AFAP1: variants seen among roughly 807,000 people sequenced by gnomAD.
The protein encoded by AFAP1 is actin filament associated protein 1.
In AFAP1, 75 loss-of-function variants were observed where a neutral mutation model predicts 93.9. The observed-to-expected ratio is 0.80, with a 90% CI of 0.66 to 0.97. The LOEUF is 0.97. Among genes scored for constraint, AFAP1 ranks in the 50% least tolerant of loss-of-function variants. AFAP1 has a pLI of 0.00. For missense variants in AFAP1, 1,201 were observed against 1,050.8 expected, an observed-to-expected ratio of 1.14 and a Z score of -1.98; for synonymous variants, 517 against 430.7, an observed-to-expected ratio of 1.20 and a Z score of -2.48.
chr4:7,786,128 G>A (rs1020492067), intron 12 of AFAP1, 66 bp downstream of exon 12: 8 of 1,456,282 alleles, frequency 5.5e-6, no homozygotes, highest in Non-Finnish European at 7.7e-6. Context: ...GGGAACTGAA[G>A]CACAGAATTT....
intron 1 of AFAP1, among the ~76,000 whole-genome samples, chr4:7,909,061 T>A (rs1405296048): frequency 6.6e-6 from 1 of 152,180 alleles, no homozygotes; most frequent in African/African-American, 2.4e-5. Flanking sequence ...ACTAAAGTAG[T>A]CTTTGGTTCG....
chr4:7,914,863 T>G (rs1404174703), intron 1 of AFAP1, among the ~76,000 whole-genome samples: 2 of 152,182 alleles, frequency 1.3e-5, no homozygotes, highest in Admixed American at 1.3e-4. Flanking sequence ...TTCTCATACC[T>G]CAGCCTCCCA....
At chr4:7,815,937 G>C (rs945280857) in intron 8 of AFAP1, 81 bp downstream of exon 8, 20 of 1,294,370 alleles carry the variant, frequency 1.5e-5, no homozygotes, top group Admixed American at 1.0e-4. Flanking sequence ...CGTACAATCA[G>C]ACTTTACAAA....
chr4:7,867,373 A>G (rs1716541910), intron 3 of AFAP1, among the ~76,000 whole-genome samples: 1 of 152,140 alleles, frequency 6.6e-6, no homozygotes, highest in African/African-American at 2.4e-5. Context: ...AATCTCCCCA[A>G]ATCATATGAG....
chr4:7,802,801 C>T (rs1434608322), intron 9 of AFAP1, among the ~76,000 whole-genome samples: 1 of 152,074 alleles, frequency 6.6e-6, no homozygotes, highest in Non-Finnish European at 1.5e-5. Flanking sequence ...AGGCGCCCGC[C>T]ACCACACCTG....
chr4:7,796,357 A>C (rs937876877), intron 10 of AFAP1, among the ~76,000 whole-genome samples: 1 of 152,242 alleles, frequency 6.6e-6, no homozygotes, highest in Non-Finnish European at 1.5e-5. Context: ...GACATGGCAA[A>C]GGACAAACAG....
At chr4:7,909,515 G>T (rs534417177) in intron 1 of AFAP1, among the ~76,000 whole-genome samples, 1 of 152,202 alleles carries the variant, frequency 6.6e-6, no homozygotes, top group African/African-American at 2.4e-5. Context: ...TGAAGAAAAG[G>T]TGGAATGGGT....
rs75028996 is a variant in AFAP1 at position 7,906,633 on chromosome 4, G to A, written c.-3+33023C>T. 8.7e-4 allele frequency among the ~76,000 whole-genome samples: 132 copies of A among 152,274 alleles called. No homozygotes were observed. The East Asian group carries it at 0.016, about 18-fold the overall frequency. On this transcript the variant is annotated intron_variant, in intron 1 of 17. Coordinates refer to ENST00000420658, the MANE Select transcript of AFAP1 (RefSeq NM_001134647.2). ...ATAAAATACTACAGCTTTTTCAGAT[G>A]GGCTTGAAGCCCTCCAAACTCACAG... is the stretch of plus-strand genomic sequence containing the variant.
chr4:7,856,470 G>A (rs954880401), intron 3 of AFAP1, among the ~76,000 whole-genome samples: 10 of 152,068 alleles, frequency 6.6e-5, no homozygotes, highest in African/African-American at 2.4e-4. Flanking sequence ...TCGAACTCCT[G>A]ACCTCGTGAT....
intron 6 of AFAP1, among the ~76,000 whole-genome samples, 155 bp downstream of exon 6, chr4:7,838,369 A>G (rs1712563254): frequency 6.6e-6 from 1 of 152,226 alleles, no homozygotes; most frequent in Admixed American, 6.5e-5. Context: ...ATTAACCTCC[A>G]TGTCATCAGA....
In AFAP1 at chr4:7,762,191, C is replaced by G. The variant is rs529768262; in HGVS notation, c.*1574G>C. ...AGCGCCACCACCTTAAACATGAATC[C>G]TAACTGTAAAGTCCCGTGCACCACA... On this transcript the variant is annotated 3_prime_UTR_variant, in exon 18 of 18. Transcript: ENST00000420658. The G allele has an allele frequency of 6.6e-6, 1 of 152,376 alleles. No individual in the cohort carries two copies. Among genetic ancestry groups the G allele is most frequent in the South Asian group, 2.1e-4 (1 of 4,824 alleles). 9.4% of individuals were successfully genotyped at this position (152,376 alleles called of 1,614,324 possible). A position where few individuals can be genotyped will look rare whatever the true frequency, so the allele number is the denominator to read the frequency against.
At chr4:7,816,251 G>T in intron 7 of AFAP1, 152 bp from the exon 8 acceptor site, 1 of 618,194 alleles carries the variant, frequency 1.6e-6, no homozygotes, top group Non-Finnish European at 2.7e-6. Context: ...CTATAACAAA[G>T]ACTGGCTGGT....
At chr4:7,857,445 C>T (rs1042146142) in intron 3 of AFAP1, among the ~76,000 whole-genome samples, 4 of 152,190 alleles carry the variant, frequency 2.6e-5, no homozygotes, top group Admixed American at 6.5e-5. Context: ...ACCTCCCTCC[C>T]GCCCCCCGTC....
intron 1 of AFAP1, among the ~76,000 whole-genome samples, chr4:7,921,349 A>C (rs897586421): frequency 1.3e-5 from 2 of 151,742 alleles, no homozygotes; most frequent in South Asian, 2.1e-4. Flanking sequence ...ACGCCTGGCT[A>C]ATTTTTTTAT....
intron 6 of AFAP1, among the ~76,000 whole-genome samples, chr4:7,823,704 T>C (rs544081897): frequency 2.6e-5 from 4 of 152,286 alleles, no homozygotes; most frequent in African/African-American, 7.2e-5. Flanking sequence ...ATGCTTAGAA[T>C]GGGGAACACA....
At chr4:7,825,784 C>CA (rs2149083613) in intron 6 of AFAP1, among the ~76,000 whole-genome samples, 1 of 151,842 alleles carries the variant, frequency 6.6e-6, no homozygotes, top group East Asian at 1.9e-4. Flanking sequence ...AAAAAATTAA[C>CA]ATAGCCCAGA....
At chr4:7,891,123 C>T (rs959652705) in intron 1 of AFAP1, among the ~76,000 whole-genome samples, 1 of 152,082 alleles carries the variant, frequency 6.6e-6, no homozygotes, top group Non-Finnish European at 1.5e-5. Context: ...ACACACATAA[C>T]TCAGATTAAT....
chr4:7,807,754 C>CA (rs1254801388), intron 9 of AFAP1, among the ~76,000 whole-genome samples: 1 of 152,216 alleles, frequency 6.6e-6, no homozygotes, highest in Non-Finnish European at 1.5e-5. Flanking sequence ...CAGTATGACG[C>CA]AACTTCCCAG....
chr4:7,774,475 C>A (rs1331920619), intron 15 of AFAP1: 1 of 461,184 alleles, frequency 2.2e-6, no homozygotes, highest in African/African-American at 2.0e-5. Flanking sequence ...CGGAACAGGT[C>A]CCCCAGCACC....
Sources: allele counts gnomAD v4.1 joint callset (sites outside exome capture counted in the v4.1 genomes callset), GRCh38; gene constraint gnomAD v4.1.1; transcripts MANE v1.5; gene names NCBI Gene and HGNC (gene_info 2026-07-23, HGNC 2026-07-21).